DLG2: variants seen among roughly 807,000 people sequenced by gnomAD.
DLG2 encodes the protein discs large MAGUK scaffold protein 2.
Under a neutral mutation model 132.5 loss-of-function variants are expected in DLG2, and 45 were observed. The ratio of observed to expected loss-of-function variants is 0.34; its 90% CI spans 0.27 to 0.44. The LOEUF (loss-of-function observed/expected upper bound fraction) is 0.44, where lower values mean the gene tolerates loss of function less well. Among genes scored for constraint, DLG2 ranks in the 20% least tolerant of loss-of-function variants. The probability of loss-of-function intolerance (pLI) is 1.00; values close to 1 mark genes in which losing one functional copy is unlikely to be tolerated. For missense variants in DLG2, 1,045 were observed against 1,196.9 expected (o/e 0.87, Z 1.87); for synonymous variants, 424 against 419.6 (o/e 1.01, Z -0.13).
At chr11:84,897,613 C>T (rs2090373901) in intron 6 of DLG2, among the ~76,000 whole-genome samples, 1 of 151,810 alleles carries the variant, frequency 6.6e-6, no homozygotes, top group Non-Finnish European at 1.5e-5. Context: ...ACTGAAGATA[C>T]TCATCAAATA....
At chr11:84,963,202 C>T (rs759308585) in intron 6 of DLG2, among the ~76,000 whole-genome samples, 1 of 152,088 alleles carries the variant, frequency 6.6e-6, no homozygotes, top group East Asian at 1.9e-4. Context: ...CATAATGTAC[C>T]GCTGACATAC....
intron 7 of DLG2, among the ~76,000 whole-genome samples, chr11:84,469,383 G>A (rs1415353472): frequency 6.6e-6 from 1 of 151,554 alleles, no homozygotes; most frequent in Non-Finnish European, 1.5e-5. Flanking sequence ...TGATGGCACA[G>A]GAAAGCCCAG....
chr11:83,850,794 C>G (rs1342572052), intron 16 of DLG2, among the ~76,000 whole-genome samples: 1 of 152,152 alleles, frequency 6.6e-6, no homozygotes, highest in Non-Finnish European at 1.5e-5. Context: ...CCTGGCTGAG[C>G]CTTGCACATA....
chr11:85,013,662 T>C (rs533365451), intron 6 of DLG2, among the ~76,000 whole-genome samples: 5 of 152,204 alleles, frequency 3.3e-5, no homozygotes, highest in African/African-American at 7.2e-5. Flanking sequence ...TCTTCAAATA[T>C]AGAAGGAAAG....
chr11:83,513,286 G>T (rs972644877), intron 21 of DLG2, among the ~76,000 whole-genome samples: 2 of 152,198 alleles, frequency 1.3e-5, no homozygotes, highest in African/African-American at 4.8e-5. Flanking sequence ...CAGTGATGAT[G>T]AGCATTTTTT....
chr11:85,399,072 T>C (rs543656927), intron 3 of DLG2, among the ~76,000 whole-genome samples: 1 of 152,166 alleles, frequency 6.6e-6, no homozygotes, highest in Non-Finnish European at 1.5e-5. Flanking sequence ...GATAAGCAAC[T>C]TCAGCAAAGT....
intron 3 of DLG2, among the ~76,000 whole-genome samples, chr11:85,417,042 T>C (rs1317599867): frequency 6.6e-6 from 1 of 152,130 alleles, no homozygotes; most frequent in Non-Finnish European, 1.5e-5. Flanking sequence ...AGAATGCTTC[T>C]AGCTTTTGGC....
chr11:85,272,338 C>T (rs917419484), intron 4 of DLG2, among the ~76,000 whole-genome samples: 1 of 152,132 alleles, frequency 6.6e-6, no homozygotes, highest in African/African-American at 2.4e-5. Context: ...ATGTCTTTAT[C>T]AGCAGTATGA....
At chr11:85,391,424 C>CTCTAAATCAT (rs1453840324) in intron 3 of DLG2, among the ~76,000 whole-genome samples, 5 of 152,062 alleles carry the variant, frequency 3.3e-5, no homozygotes, top group Non-Finnish European at 7.4e-5. Flanking sequence ...AGGGAATCCT[C>CTCTAAATCAT]TCTAAATCAT....
chr11:84,895,898 G>A (rs2090121296), intron 6 of DLG2, among the ~76,000 whole-genome samples: 1 of 152,118 alleles, frequency 6.6e-6, no homozygotes, highest in Non-Finnish European at 1.5e-5. Flanking sequence ...GTCAGTGCAT[G>A]TAGGTGTTCA....
At chr11:83,866,027 C>T (rs1214168568) in intron 16 of DLG2, among the ~76,000 whole-genome samples, 4 of 152,010 alleles carry the variant, frequency 2.6e-5, no homozygotes, top group East Asian at 1.9e-4. Context: ...CTGACCACCC[C>T]GACAAAGTCA....
intron 11 of DLG2, among the ~76,000 whole-genome samples, chr11:83,988,570 G>C (rs1225634236): frequency 1.3e-5 from 2 of 152,086 alleles, no homozygotes; most frequent in African/African-American, 2.4e-5. Flanking sequence ...ATTTGTTTGT[G>C]TGATCTCTGA....
chr11:84,583,219 G>T (rs984220985), intron 6 of DLG2, among the ~76,000 whole-genome samples: 1 of 152,118 alleles, frequency 6.6e-6, no homozygotes, highest in Non-Finnish European at 1.5e-5. Context: ...TAGCATGGCC[G>T]ATCTAATTCA....
intron 15 of DLG2, among the ~76,000 whole-genome samples, chr11:83,878,412 A>G (rs1276744958): frequency 6.6e-6 from 1 of 152,168 alleles, no homozygotes; most frequent in African/African-American, 2.4e-5. Flanking sequence ...AAGGGAAAAA[A>G]GTGCTTGCTC....
intron 16 of DLG2, among the ~76,000 whole-genome samples, chr11:83,861,185 T>A (rs1317219499): frequency 6.6e-6 from 1 of 152,194 alleles, no homozygotes; most frequent in Admixed American, 6.5e-5. Flanking sequence ...TGAGATATCA[T>A]TTCACCCCAG....
chr11:84,859,017 C>T lies in DLG2; in HGVS notation c.357+252644G>A, dbSNP rs1010898761. ...CTTAATCTTTTTATAACTTTTTATACGCTTCATCTTTTTATACCTTAGTTT... is the reference window on the plus strand; with the variant it reads ...CTTAATCTTTTTATAACTTTTTATATGCTTCATCTTTTTATACCTTAGTTT... On this transcript the variant is annotated intron_variant, in intron 6 of 27. Transcript: ENST00000376104. Among the ~76,000 whole-genome samples the T allele has an allele frequency of 4.6e-5, 7 of 151,774 alleles. 1 individual carries two copies. Among genetic ancestry groups the T allele is most frequent in the African/African-American group, 1.2e-4 (5 of 41,362 alleles).
intron 6 of DLG2, among the ~76,000 whole-genome samples, chr11:84,822,706 G>T (rs935781428): frequency 2.6e-5 from 4 of 151,872 alleles, no homozygotes; most frequent in South Asian, 4.1e-4. Context: ...GAGAGAGAAG[G>T]ACTGGTCTTT....
chr11:83,525,520 A>C (rs2095585661), intron 21 of DLG2, among the ~76,000 whole-genome samples: 1 of 152,214 alleles, frequency 6.6e-6, no homozygotes, highest in Non-Finnish European at 1.5e-5. Flanking sequence ...AGAATCCGAG[A>C]GGAAAGGTGA....
intron 7 of DLG2, among the ~76,000 whole-genome samples, chr11:84,359,107 A>C (rs2098635026): frequency 6.6e-6 from 1 of 151,954 alleles, no homozygotes; most frequent in African/African-American, 2.4e-5. Context: ...CATGGCCAAG[A>C]AAATGATTCC....
Sources: gnomAD v4.1 joint callset for allele counts (sites outside exome capture counted in the v4.1 genomes callset) on GRCh38, gnomAD v4.1.1 for gene constraint, MANE v1.5 for transcripts, NCBI Gene and HGNC (gene_info 2026-07-23, HGNC 2026-07-21) for gene names.